The following DAB1 variants were observed in gnomAD, a reference collection of about 807,000 sequenced individuals.
DAB1 encodes DAB adaptor protein 1.
DAB1 carries 15 observed loss-of-function variants against 64.6 expected under a neutral mutation model. That is an observed-to-expected ratio of 0.23 (90% confidence interval 0.16 to 0.36). The LOEUF is 0.36. Among genes scored for constraint, DAB1 ranks in the 10% least tolerant of loss-of-function variants. The pLI is 1.00. For synonymous variants in DAB1, 235 were observed against 251.9 expected, an observed-to-expected ratio of 0.93 and a Z score of 0.64; for missense variants, 596 against 706.7, an observed-to-expected ratio of 0.84 and a Z score of 1.78.
chr1:57,982,686 A>G (rs1646095570), intron 5 of DAB1, among the ~76,000 whole-genome samples: 2 of 152,182 alleles, frequency 1.3e-5, no homozygotes, highest in South Asian at 2.1e-4. Flanking sequence ...ATTCTCTATC[A>G]TAACTAAGTC....
intron 5 of DAB1, among the ~76,000 whole-genome samples, chr1:57,989,949 T>A (rs759277019): frequency 6.6e-6 from 1 of 152,176 alleles, no homozygotes; most frequent in Non-Finnish European, 1.5e-5. Context: ...TTCAGAGTAT[T>A]GGTTGGAAAG....
rs893291696 is a variant in DAB1, at chr1:57,073,221, C to A, written c.307-807G>T. Reference sequence around the variant, plus strand: ...CTCCAATGTTCGTGCCTGGAACGAACTTCCTTACTCTCACAGGTCTTCCTT... The same window carrying A: ...CTCCAATGTTCGTGCCTGGAACGAAATTCCTTACTCTCACAGGTCTTCCTT... On this transcript the variant is annotated intron_variant, in intron 4 of 14. Transcript: ENST00000371236. 2.6e-5 allele frequency among the ~76,000 whole-genome samples: 4 copies of A among 152,306 alleles called. No homozygotes were observed. In the South Asian group the frequency reaches 6.2e-4, roughly 24 times the overall value.
chr1:58,534,169 A>C, intron 1 of DAB1: 3 of 871,252 alleles, frequency 3.4e-6, no homozygotes, highest in Middle Eastern at 2.2e-4. Context: ...GGAAGCACGA[A>C]GGCATTAATA....
At chr1:58,280,813 G>C (rs560565752) in intron 4 of DAB1, among the ~76,000 whole-genome samples, 1 of 152,250 alleles carries the variant, frequency 6.6e-6, no homozygotes, top group African/African-American at 2.4e-5. Flanking sequence ...AGGGAGTGGG[G>C]GTGGCACCCA....
At chr1:58,033,649 A>C (rs541631767) in intron 5 of DAB1, among the ~76,000 whole-genome samples, 4 of 152,310 alleles carry the variant, frequency 2.6e-5, no homozygotes, top group Admixed American at 1.3e-4. Context: ...TTTTTACTGT[A>C]CTTTACAGCT....
chr1:57,949,110 G>T (rs1645227531), intron 5 of DAB1, among the ~76,000 whole-genome samples: 1 of 151,878 alleles, frequency 6.6e-6, no homozygotes. Flanking sequence ...TAAGCCAGCG[G>T]TCCCCAACCT....
intron 1 of DAB1, among the ~76,000 whole-genome samples, chr1:57,338,381 A>G (rs1423114909): frequency 2.0e-5 from 3 of 152,106 alleles, no homozygotes; most frequent in African/African-American, 4.8e-5. Flanking sequence ...AATCCTTAAC[A>G]TAATAAGGAA....
chr1:57,248,717 A>T (rs1198712101), intron 2 of DAB1, among the ~76,000 whole-genome samples: 1 of 152,238 alleles, frequency 6.6e-6, no homozygotes, highest in East Asian at 1.9e-4. Context: ...TCCTCAGAAT[A>T]ATGAAGCAGG....
chr1:58,469,033 A>G, intron 3 of DAB1: 1 of 243,268 alleles, frequency 4.1e-6, no homozygotes, highest in South Asian at 1.5e-4. Flanking sequence ...GAGATGTTAG[A>G]GAAGGTTATC....
At chr1:57,385,168 A>G (rs1232147271) in intron 1 of DAB1, among the ~76,000 whole-genome samples, 1 of 152,222 alleles carries the variant, frequency 6.6e-6, no homozygotes, top group Non-Finnish European at 1.5e-5. Flanking sequence ...TTGCCCAGAT[A>G]AAAACTTAGG....
At chr1:57,816,140 T>C (rs1651844722) in intron 6 of DAB1, among the ~76,000 whole-genome samples, 1 of 152,198 alleles carries the variant, frequency 6.6e-6, no homozygotes, top group Non-Finnish European at 1.5e-5. Flanking sequence ...GGGAGATCCA[T>C]AAACAGTGAG....
At chr1:57,153,193 T>C (rs1659862534) in intron 2 of DAB1, among the ~76,000 whole-genome samples, 1 of 151,940 alleles carries the variant, frequency 6.6e-6, no homozygotes, top group Admixed American at 6.6e-5. Context: ...ACCTGGCTAA[T>C]TTTTGTATTT....
intron 7 of DAB1, among the ~76,000 whole-genome samples, chr1:57,458,216 T>C (rs1026382487): frequency 6.6e-6 from 1 of 152,154 alleles, no homozygotes; most frequent in African/African-American, 2.4e-5. Context: ...GTCATGAACA[T>C]TTTCTGGTGG....
chr1:58,276,396 C>T (rs1421546622), intron 4 of DAB1, among the ~76,000 whole-genome samples: 2 of 152,070 alleles, frequency 1.3e-5, no homozygotes, highest in African/African-American at 4.8e-5. Context: ...TAAAAGAGTG[C>T]TTTTCACAAA....
intron 1 of DAB1, among the ~76,000 whole-genome samples, chr1:57,834,348 C>A (rs1380678801): frequency 2.0e-5 from 3 of 151,794 alleles, no homozygotes; most frequent in South Asian, 4.1e-4. Context: ...CAGAGGCTAA[C>A]TAATATAAGG....
intron 4 of DAB1, among the ~76,000 whole-genome samples, chr1:57,077,044 A>G (rs1652055493): frequency 6.6e-6 from 1 of 152,214 alleles, no homozygotes; most frequent in African/African-American, 2.4e-5. Context: ...TTATATTAAA[A>G]GTGTGCCCAG....
intron 1 of DAB1, among the ~76,000 whole-genome samples, chr1:57,882,697 A>C (rs2101971817): frequency 6.6e-6 from 1 of 152,288 alleles, no homozygotes; most frequent in Middle Eastern, 3.4e-3. Context: ...CCTTCACCCC[A>C]TGAAACAAAA....
chr1:58,536,937 T>G (rs1646527971), intron 1 of DAB1, among the ~76,000 whole-genome samples: 1 of 152,184 alleles, frequency 6.6e-6, no homozygotes. Context: ...AAAGTTACAG[T>G]TAAAAAATTC....
At chr1:58,458,837 A>C (rs548728379) in intron 3 of DAB1, among the ~76,000 whole-genome samples, 181 of 152,248 alleles carry the variant, frequency 1.2e-3, no homozygotes, top group African/African-American at 4.3e-3. Context: ...AAACAAAAAA[A>C]AAAAACGGTT....
Sources: allele counts gnomAD v4.1 joint callset (sites outside exome capture counted in the v4.1 genomes callset), GRCh38; gene constraint gnomAD v4.1.1; transcripts MANE v1.5; gene names NCBI Gene and HGNC (gene_info 2026-07-23, HGNC 2026-07-21).